GLRA1: variants seen among roughly 807,000 people sequenced by gnomAD.
GLRA1 encodes the protein glycine receptor subunit alpha-1.
GLRA1 carries 37 observed loss-of-function variants against 48.3 expected under a neutral mutation model. The ratio of observed to expected loss-of-function variants is 0.77; its 90% CI spans 0.59 to 1.01. The LOEUF is 1.01. Ranked by LOEUF, GLRA1 falls within the 50% of genes least tolerant of loss-of-function variation. GLRA1 has a pLI of 0.00. For synonymous variants in GLRA1, 196 were observed against 210.7 expected (o/e 0.93, Z 0.60); for missense variants, 427 against 571.0 (o/e 0.75, Z 2.57).
intron 1 of GLRA1, among the ~76,000 whole-genome samples, chr5:151,920,414 C>G (rs1206551291): frequency 6.6e-6 from 1 of 152,182 alleles, no homozygotes; most frequent in African/African-American, 2.4e-5. Flanking sequence ...GCCGTAACCT[C>G]TTTCATAAGA....
chr5:151,906,412 A>G (rs896164433), intron 1 of GLRA1, among the ~76,000 whole-genome samples: 3 of 152,204 alleles, frequency 2.0e-5, no homozygotes, highest in African/African-American at 4.8e-5. Flanking sequence ...CATCTTGGCT[A>G]ATTTATTATA....
chr5:151,899,159 G>C (rs1196862462), intron 1 of GLRA1, among the ~76,000 whole-genome samples: 3 of 152,120 alleles, frequency 2.0e-5, no homozygotes, highest in African/African-American at 7.2e-5. Context: ...ACTGGCCTTT[G>C]CCCTCTAATT....
intron 3 of GLRA1, among the ~76,000 whole-genome samples, chr5:151,863,561 A>G (rs2113366277): frequency 6.6e-6 from 1 of 152,228 alleles, no homozygotes; most frequent in Admixed American, 6.5e-5. Flanking sequence ...ATAGCTCTCT[A>G]TGTTGGATCT....
intron 1 of GLRA1, among the ~76,000 whole-genome samples, chr5:151,893,824 G>C (rs1445268647): frequency 6.6e-6 from 1 of 152,148 alleles, no homozygotes; most frequent in Non-Finnish European, 1.5e-5. Flanking sequence ...AAACATACAT[G>C]TGCATGTATC....
chr5:151,912,109 G>C (rs1027899380), intron 1 of GLRA1, among the ~76,000 whole-genome samples: 1 of 152,062 alleles, frequency 6.6e-6, no homozygotes, highest in African/African-American at 2.4e-5. Flanking sequence ...TCCAATTTTG[G>C]GCAGCATGGA....
intron 1 of GLRA1, among the ~76,000 whole-genome samples, chr5:151,917,719 G>GAATTCTAGAGCTA (rs1263117605): frequency 6.6e-6 from 1 of 152,198 alleles, no homozygotes; most frequent in Non-Finnish European, 1.5e-5. Flanking sequence ...GACAGCCATT[G>GAATTCTAGAGCTA]AATTCTAGAG....
Position 151,822,764 on chromosome 5 carries a change from C to T in GLRA1, c.1259G>A (p.Arg420His), listed in dbSNP as rs281864919. The change falls in exon 9 of 9, where the codon CGC becomes CAC. Residue 420 changes from arginine to histidine, a missense_variant. Physicochemically the swap from Arg to His is conservative, Grantham distance 29. Transcript: ENST00000274576. ...GAGGAAGGCCATGGGGAAGCCAATGCGGGATATTTTGTCGATCTTCTTGGC... is the reference window on the plus strand; with the variant it reads ...GAGGAAGGCCATGGGGAAGCCAATGTGGGATATTTTGTCGATCTTCTTGGC... ...QRAKKIDKIS[R>H]IGFPMAFLIF... 1.2e-5 allele frequency: 20 copies of T among 1,613,696 alleles called. No homozygotes were observed. In the Admixed American group the frequency reaches 2.5e-4, roughly 20 times the overall value.
chr5:151,886,729 T>A lies in GLRA1; in HGVS notation c.244A>T (p.Thr82Ser). Residue 82 changes from threonine to serine, a missense_variant, in exon 3 of 9, where the codon ACA becomes TCA. Physicochemically the swap from Thr to Ser is moderately conservative, Grantham distance 58. Coordinates refer to ENST00000274576, the MANE Select transcript of GLRA1 (RefSeq NM_000171.4). ...FINSFGSIAE[T>S]TMDYRVNIFL... is the part of the protein sequence containing the mutation. The stretch of plus-strand genomic sequence containing the variant: ...TGTTTTGACTTACTCACCATGGTTG[T>A]CTCAGCAATGGAACCAAAGCTGTTG... 6.2e-7 allele frequency: 1 copy of A among 1,608,858 alleles called. No individual in the cohort carries two copies. The highest frequency in any genetic ancestry group is 8.5e-7 in the Non-Finnish European group (1 of 1,175,158).
rs983275625 is a variant in GLRA1, at chr5:151,899,044, G to A, written c.57-6606C>T. ...TTAGTGTGTGTATGAAGGAGGGAGG[G>A]AGAGAAGAGAATGGGAAATGATGAG... On this transcript the variant is annotated intron_variant, in intron 1 of 8. Coordinates refer to ENST00000274576, the MANE Select transcript of GLRA1 (RefSeq NM_000171.4). Among the ~76,000 whole-genome samples the A allele has an allele frequency of 2.6e-5, 4 of 152,040 alleles. No homozygotes were observed. The South Asian group carries it at 8.3e-4, about 32-fold the overall frequency.
At chr5:151,902,670 C>A (rs527800743) in intron 1 of GLRA1, among the ~76,000 whole-genome samples, 1 of 152,092 alleles carries the variant, frequency 6.6e-6, no homozygotes, top group South Asian at 2.1e-4. Context: ...ATTATATTGT[C>A]AGAGATTATA....
chr5:151,867,505 C>T (rs565751913), intron 3 of GLRA1, among the ~76,000 whole-genome samples: 6 of 152,244 alleles, frequency 3.9e-5, no homozygotes, highest in Non-Finnish European at 7.4e-5. Flanking sequence ...GGCATTCAAA[C>T]AGTTCAGTTT....
chr5:151,916,632 A>G (rs1754748493), intron 1 of GLRA1, among the ~76,000 whole-genome samples: 1 of 152,240 alleles, frequency 6.6e-6, no homozygotes, highest in Non-Finnish European at 1.5e-5. Context: ...CAAAGTTGAG[A>G]GTACAACGTA....
chr5:151,828,795 A>G, intron 8 of GLRA1, 126 bp downstream of exon 8: 2 of 1,025,204 alleles, frequency 2.0e-6, no homozygotes, highest in Non-Finnish European at 2.8e-6. Flanking sequence ...TTTAATTCCT[A>G]TTTCTAACCT....
chr5:151,874,966 T>G (rs1449206908), intron 3 of GLRA1, among the ~76,000 whole-genome samples: 2 of 152,050 alleles, frequency 1.3e-5, no homozygotes, highest in African/African-American at 2.4e-5. Context: ...TAGGAGGCCA[T>G]TTTGTCAAGC....
At chr5:151,886,398 G>T (rs1008659999) in intron 3 of GLRA1, among the ~76,000 whole-genome samples, 3 of 152,294 alleles carry the variant, frequency 2.0e-5, no homozygotes, top group African/African-American at 4.8e-5. Flanking sequence ...CCATTCTGCA[G>T]TTGAATGTTA....
At chr5:151,849,811 C>T in intron 7 of GLRA1, 2 of 1,152,380 alleles carry the variant, frequency 1.7e-6, no homozygotes, top group East Asian at 3.7e-5. Context: ...GCCTTGGCCT[C>T]CCAGAGTCCT....
intron 3 of GLRA1, among the ~76,000 whole-genome samples, chr5:151,866,754 G>A (rs1462710718): frequency 6.6e-6 from 1 of 152,002 alleles, no homozygotes; most frequent in Non-Finnish European, 1.5e-5. Flanking sequence ...TAGTAAGCAA[G>A]ATAAGGCATG....
intron 7 of GLRA1, among the ~76,000 whole-genome samples, chr5:151,851,002 G>A (rs887421276): frequency 6.6e-6 from 1 of 152,192 alleles, no homozygotes; most frequent in Non-Finnish European, 1.5e-5. Context: ...CTCTAGATAT[G>A]AGATTAGTGT....
In GLRA1 at chr5:151,859,828, A is replaced by C; in HGVS notation, c.433T>G (p.Leu145Val). The C allele has an allele frequency of 6.2e-7, 1 of 1,613,936 alleles. No individual in the cohort carries two copies. Among genetic ancestry groups the C allele is most frequent in the Non-Finnish European group, 8.5e-7 (1 of 1,179,934 alleles). ...HFHEITTDNK[L>V]LRISRNGNVL... ...TTCCCATTCCGGGAGATCCTTAGCA[A>C]TTTGTTGTCTGTGGTGATCTCATGG... Residue 145 changes from leucine (L) to valine (V), a missense_variant, in exon 4 of 9, where the codon TTG becomes GTG. Physicochemically the swap from Leu to Val is conservative, Grantham distance 32 (BLOSUM62 1). Coordinates refer to ENST00000274576, the MANE Select transcript of GLRA1 (RefSeq NM_000171.4).
Sources: gnomAD v4.1 joint callset for allele counts (sites outside exome capture counted in the v4.1 genomes callset) on GRCh38, gnomAD v4.1.1 for gene constraint, MANE v1.5 for transcripts, NCBI Gene and HGNC (gene_info 2026-07-23, HGNC 2026-07-21) for gene names.